The following GABRR2 variants were observed in gnomAD, a reference collection of about 807,000 sequenced individuals.
The protein encoded by GABRR2 is gamma-aminobutyric acid receptor subunit rho-2.
Under a neutral mutation model 47.0 loss-of-function variants are expected in GABRR2, and 36 were observed. The observed-to-expected ratio is 0.77, with a 90% CI of 0.59 to 1.01. The LOEUF (loss-of-function observed/expected upper bound fraction) is 1.01. GABRR2 is among the 50% of genes least tolerant of loss of function. The pLI is 0.00. For synonymous variants in GABRR2, 204 were observed against 227.5 expected, an observed-to-expected ratio of 0.90 and a Z score of 0.93; for missense variants, 587 against 594.6, an observed-to-expected ratio of 0.99 and a Z score of 0.13.
chr6:89,267,555 A>G (rs1773927747), intron 6 of GABRR2, 124 bp downstream of exon 6: 1 of 950,280 alleles, frequency 1.1e-6, no homozygotes, highest in South Asian at 1.7e-5. Context: ...AGACAGAGTG[A>G]GACCTTGTCT....
chr6:89,299,144 G>A (rs1314861881), intron 2 of GABRR2, among the ~76,000 whole-genome samples: 1 of 152,096 alleles, frequency 6.6e-6, no homozygotes, highest in African/African-American at 2.4e-5. Flanking sequence ...ACACCCACTG[G>A]CCATGCCTCC....
chr6:89,308,754 C>T (rs1223942916), intron 1 of GABRR2, among the ~76,000 whole-genome samples: 1 of 152,206 alleles, frequency 6.6e-6, no homozygotes, highest in Non-Finnish European at 1.5e-5. Context: ...TCCACACAGA[C>T]AGTTGTCCCA....
intron 2 of GABRR2, among the ~76,000 whole-genome samples, chr6:89,280,678 G>C (rs889603132): frequency 6.6e-6 from 1 of 152,222 alleles, no homozygotes; most frequent in African/African-American, 2.4e-5. Context: ...CGGAAATAGA[G>C]CATTCCAACC....
At chr6:89,312,216 A>G (rs1019405189) in intron 1 of GABRR2, among the ~76,000 whole-genome samples, 2 of 152,214 alleles carry the variant, frequency 1.3e-5, no homozygotes, top group African/African-American at 4.8e-5. Flanking sequence ...GCAGCAGGCC[A>G]GGAGGAGTAG....
intron 1 of GABRR2, chr6:89,302,013 CG>C: frequency 4.3e-6 from 3 of 693,302 alleles, no homozygotes; most frequent in Non-Finnish European, 7.9e-6. Context: ...AGTGTCGGCT[CG>C]GGGCCTTTTG....
At chr6:89,309,142 G>A (rs1041948831) in intron 1 of GABRR2, among the ~76,000 whole-genome samples, 7 of 152,154 alleles carry the variant, frequency 4.6e-5, no homozygotes, top group African/African-American at 1.7e-4. Context: ...TGACTTGCAT[G>A]AGGACAGCCT....
intron 8 of GABRR2, 65 bp downstream of exon 8, chr6:89,264,347 C>T (rs958854): frequency 0.17 from 257,040 of 1,525,580 alleles, 23,017 homozygotes; most frequent in East Asian, 0.37. Context: ...TGCCCCCTGG[C>T]CCAGAAGACC....
At chr6:89,277,559 A>T (rs1409210856) in intron 2 of GABRR2, among the ~76,000 whole-genome samples, 1 of 152,060 alleles carries the variant, frequency 6.6e-6, no homozygotes, top group Non-Finnish European at 1.5e-5. Context: ...AACAATAAAC[A>T]TATTTGTGTG....
intron 8 of GABRR2, among the ~76,000 whole-genome samples, chr6:89,261,517 G>A (rs1439381333): frequency 6.6e-6 from 1 of 152,098 alleles, no homozygotes; most frequent in Non-Finnish European, 1.5e-5. Flanking sequence ...TCTCTTTTGG[G>A]ATTTAGACAC....
intron 1 of GABRR2, chr6:89,302,257 C>T (rs1767460967): frequency 1.8e-6 from 1 of 569,840 alleles, no homozygotes; most frequent in Admixed American, 1.9e-5. Context: ...AGGAGTATCC[C>T]AACTGCATCA....
chr6:89,280,349 G>A (rs1160703285), intron 2 of GABRR2, among the ~76,000 whole-genome samples: 5 of 151,394 alleles, frequency 3.3e-5, no homozygotes, highest in African/African-American at 4.9e-5. Context: ...CAGAGCCTGA[G>A]GCTCTTACTC....
At position 89,302,869 on chromosome 6, in the gene GABRR2, G is replaced by T; in HGVS notation, c.114-3004C>A. 3 of 1,270,232 alleles carry T rather than the reference G, an allele frequency of 2.4e-6. No homozygotes were observed. The South Asian group carries it at 3.5e-5, about 15-fold the overall frequency. 78.7% of individuals were successfully genotyped at this position (1,270,232 alleles called of 1,614,324 possible). A position where few individuals can be genotyped will look rare whatever the true frequency, so the allele number is the denominator to read the frequency against. ...CTCAAGATGTCTTCCACCCTCATCA[G>T]CAACAGCACGGGCATCCAGGAGCTG... is the stretch of plus-strand genomic sequence containing the variant. On this transcript the variant is annotated intron_variant, in intron 1 of 8. Transcript: ENST00000402938.
At chr6:89,299,964 C>T (rs567889266) in intron 1 of GABRR2, 99 bp from the exon 2 acceptor site, 9 of 766,488 alleles carry the variant, frequency 1.2e-5, no homozygotes, top group African/African-American at 6.9e-5. Flanking sequence ...CTGTTAGGTA[C>T]CTTTTCTCCA....
chr6:89,286,240 A>C (rs556420393), intron 2 of GABRR2, among the ~76,000 whole-genome samples: 2 of 152,328 alleles, frequency 1.3e-5, no homozygotes, highest in East Asian at 1.9e-4. Context: ...AGAGTAGAAT[A>C]GTGGTTGCCA....
intron 1 of GABRR2, among the ~76,000 whole-genome samples, chr6:89,309,344 A>AC: frequency 6.6e-6 from 1 of 151,828 alleles, no homozygotes; most frequent in South Asian, 2.1e-4. Context: ...AGTCCTTTGA[A>AC]CCCTGCCCTC....
chr6:89,274,860 C>T (rs1774130749), intron 2 of GABRR2, among the ~76,000 whole-genome samples: 1 of 151,510 alleles, frequency 6.6e-6, no homozygotes, highest in Non-Finnish European at 1.5e-5. Flanking sequence ...AGAGTGAGAC[C>T]CTGTCTGTAA....
intron 2 of GABRR2, among the ~76,000 whole-genome samples, chr6:89,287,788 T>G (rs1337257895): frequency 6.6e-6 from 1 of 152,236 alleles, no homozygotes; most frequent in Non-Finnish European, 1.5e-5. Flanking sequence ...CCCTGTGTTA[T>G]GCAGAACATT....
chr6:89,302,843 C>G, intron 1 of GABRR2: 5 of 1,355,878 alleles, frequency 3.7e-6, no homozygotes, highest in Non-Finnish European at 4.1e-6. Flanking sequence ...CACCCCCCAG[C>G]CTCAAGATGT....
In GABRR2 at chr6:89,256,250, G is replaced by T. The variant is rs775464399; in HGVS notation, c.*1420C>A. 6.6e-6 allele frequency among the ~76,000 whole-genome samples: 1 copy of T among 151,016 alleles called. No homozygotes were observed. Among genetic ancestry groups the T allele is most frequent in the Non-Finnish European group, 1.5e-5 (1 of 67,822 alleles). On this transcript the variant is annotated 3_prime_UTR_variant, in exon 9 of 9. Transcript: ENST00000402938. ...TGAGGTCTGTCTCCCTGGTGGGACT[G>T]TTTTTCCTCCCTTGGAATTCCCATC...
Sources: gnomAD v4.1 joint callset for allele counts (sites outside exome capture counted in the v4.1 genomes callset) on GRCh38, gnomAD v4.1.1 for gene constraint, MANE v1.5 for transcripts, NCBI Gene and HGNC (gene_info 2026-07-23, HGNC 2026-07-21) for gene names.